The following UBE2E2 variants were observed in gnomAD, a reference collection of about 807,000 sequenced individuals.
The protein encoded by UBE2E2 is ubiquitin conjugating enzyme E2 E2, also known as ubiquitin-conjugating enzyme E2 E2.
In UBE2E2, 6 loss-of-function variants were observed where a neutral mutation model predicts 24.7. The ratio of observed to expected loss-of-function variants is 0.24; its 90% CI spans 0.13 to 0.48. UBE2E2 has a LOEUF of 0.48. Among genes scored for constraint, UBE2E2 ranks in the 20% least tolerant of loss-of-function variants. UBE2E2 has a pLI of 0.99. For synonymous variants in UBE2E2, 104 were observed against 83.6 expected (o/e 1.24, Z -1.33); for missense variants, 169 against 245.0 (o/e 0.69, Z 2.07).
At chr3:23,299,970 G>A (rs1223342814) in intron 3 of UBE2E2, among the ~76,000 whole-genome samples, 1 of 152,098 alleles carries the variant, frequency 6.6e-6, no homozygotes, top group South Asian at 2.1e-4. Flanking sequence ...GGGTGCTCCT[G>A]TATTGGGTGC....
At chr3:23,418,058 G>A (rs1302117488) in intron 3 of UBE2E2, among the ~76,000 whole-genome samples, 1 of 152,130 alleles carries the variant, frequency 6.6e-6, no homozygotes, top group Non-Finnish European at 1.5e-5. Context: ...CTTTTCCAGG[G>A]GAGTGAACGG....
chr3:23,534,128 C>CTTTTT (rs1158079342), intron 5 of UBE2E2: 27 of 439,196 alleles, frequency 6.1e-5, no homozygotes, highest in African/African-American at 2.1e-4. Flanking sequence ...TGCAAGAAGG[C>CTTTTT]TTTTTTTTTT....
At chr3:23,426,192 G>A (rs1697920360) in intron 3 of UBE2E2, among the ~76,000 whole-genome samples, 1 of 152,072 alleles carries the variant, frequency 6.6e-6, no homozygotes, top group African/African-American at 2.4e-5. Flanking sequence ...AAACTTCCAA[G>A]ATAGAAAAGT....
intron 1 of UBE2E2, among the ~76,000 whole-genome samples, chr3:23,207,145 T>G (rs1696170671): frequency 1.3e-5 from 2 of 152,184 alleles, no homozygotes; most frequent in Admixed American, 1.3e-4. Context: ...TGAGTTTTGT[T>G]GGTTCAGTTC....
chr3:23,402,112 C>T (rs1290106520), intron 3 of UBE2E2, among the ~76,000 whole-genome samples: 1 of 152,080 alleles, frequency 6.6e-6, no homozygotes. Context: ...CCTCAGCCTC[C>T]CAAAGTGCTG....
At chr3:23,480,690 A>G (rs1467801078) in intron 3 of UBE2E2, among the ~76,000 whole-genome samples, 3 of 152,262 alleles carry the variant, frequency 2.0e-5, no homozygotes. Context: ...GGTGGAAAAT[A>G]AAAGCCATTT....
At chr3:23,336,140 T>G (rs1028165661) in intron 3 of UBE2E2, among the ~76,000 whole-genome samples, 2 of 152,226 alleles carry the variant, frequency 1.3e-5, no homozygotes, top group Non-Finnish European at 2.9e-5. Context: ...AAATTATTTT[T>G]TAATTATTGT....
At chr3:23,247,641 ATTATTT>A (rs2125342899) in intron 3 of UBE2E2, among the ~76,000 whole-genome samples, 1 of 152,330 alleles carries the variant, frequency 6.6e-6, no homozygotes, top group African/African-American at 2.4e-5. Context: ...GGTGTGAGGT[ATTATTT>A]TTTAAGTAGG....
chr3:23,210,703 TAA>T (rs1330373777), intron 2 of UBE2E2, among the ~76,000 whole-genome samples: 1 of 152,190 alleles, frequency 6.6e-6, no homozygotes, highest in African/African-American at 2.4e-5. Context: ...TGATTGGCAG[TAA>T]ATAGAAAGTG....
intron 4 of UBE2E2, among the ~76,000 whole-genome samples, chr3:23,503,424 C>T (rs1694335853): frequency 6.6e-6 from 1 of 151,974 alleles, no homozygotes; most frequent in South Asian, 2.1e-4. Flanking sequence ...CTCCTGACCT[C>T]AGGTGATCCA....
chr3:23,241,187 C>G (rs888140852), intron 3 of UBE2E2, among the ~76,000 whole-genome samples: 3 of 152,108 alleles, frequency 2.0e-5, no homozygotes, highest in Non-Finnish European at 2.9e-5. Context: ...TACGTTCATT[C>G]TGTCATCAAA....
chr3:23,321,910 AT>A (rs1694748627), intron 3 of UBE2E2, among the ~76,000 whole-genome samples: 1 of 151,736 alleles, frequency 6.6e-6, no homozygotes, highest in African/African-American at 2.4e-5. Context: ...GGGATGACAT[AT>A]AATTCATCAG....
At chr3:23,451,124 G>A (rs1221044588) in intron 3 of UBE2E2, among the ~76,000 whole-genome samples, 2 of 152,114 alleles carry the variant, frequency 1.3e-5, no homozygotes, top group African/African-American at 2.4e-5. Context: ...TATTAACTGG[G>A]CACGGTGGTG....
intron 4 of UBE2E2, among the ~76,000 whole-genome samples, chr3:23,505,655 T>A (rs1694430255): frequency 6.6e-6 from 1 of 152,234 alleles, no homozygotes; most frequent in Non-Finnish European, 1.5e-5. Flanking sequence ...TAATTTGTTC[T>A]TTCACTACAA....
intron 3 of UBE2E2, among the ~76,000 whole-genome samples, chr3:23,263,799 G>C (rs1375924395): frequency 1.3e-5 from 2 of 151,990 alleles, no homozygotes; most frequent in Non-Finnish European, 2.9e-5. Flanking sequence ...TTCATAGATG[G>C]TGTATATCTT....
intron 3 of UBE2E2, among the ~76,000 whole-genome samples, chr3:23,387,218 C>T (rs562286098): frequency 6.6e-6 from 1 of 152,272 alleles, no homozygotes; most frequent in African/African-American, 2.4e-5. Context: ...TTATAGATTT[C>T]TGTGGTTACA....
intron 3 of UBE2E2, among the ~76,000 whole-genome samples, chr3:23,351,090 C>G (rs1373723052): frequency 6.6e-6 from 1 of 152,096 alleles, no homozygotes; most frequent in African/African-American, 2.4e-5. Context: ...TTCAACATTC[C>G]TAAAGAAATG....
intron 3 of UBE2E2, among the ~76,000 whole-genome samples, chr3:23,241,512 G>A (rs1035887320): frequency 5.3e-5 from 8 of 151,816 alleles, no homozygotes; most frequent in Non-Finnish European, 2.9e-5. Flanking sequence ...CTGCCGCTAC[G>A]CTGGCCTCTT....
chr3:23,410,820 A>C (rs183451414), intron 3 of UBE2E2, among the ~76,000 whole-genome samples: 133 of 152,316 alleles, frequency 8.7e-4, no homozygotes, highest in Non-Finnish European at 1.5e-3. Flanking sequence ...TGTCTGATGT[A>C]ATATAACAGC....
Sources: allele counts gnomAD v4.1 joint callset (sites outside exome capture counted in the v4.1 genomes callset), GRCh38; gene constraint gnomAD v4.1.1; transcripts MANE v1.5; gene names NCBI Gene and HGNC (gene_info 2026-07-23, HGNC 2026-07-21).